The following NKAIN2 variants were observed in gnomAD, a reference collection of about 807,000 sequenced individuals.
The protein encoded by NKAIN2 is sodium/potassium transporting ATPase interacting 2.
A neutral mutation model predicts 32.6 loss-of-function variants in NKAIN2; 14 were observed. That is an observed-to-expected ratio of 0.43 (90% confidence interval 0.28 to 0.67). NKAIN2 has a LOEUF of 0.67. Among genes scored for constraint, NKAIN2 ranks in the 30% least tolerant of loss-of-function variants. The probability of loss-of-function intolerance (pLI) is 0.17; values close to 1 mark genes in which losing one functional copy is unlikely to be tolerated. For missense variants in NKAIN2, 198 were observed against 258.3 expected (o/e 0.77, Z 1.60); for synonymous variants, 80 against 87.2 (o/e 0.92, Z 0.46).
intron 3 of NKAIN2, among the ~76,000 whole-genome samples, chr6:124,403,837 A>G (rs1239796380): frequency 5.9e-5 from 9 of 152,196 alleles, no homozygotes; most frequent in Non-Finnish European, 1.2e-4. Context: ...AATTATTAAG[A>G]TGGGTAACCA....
intron 6 of NKAIN2, 151 bp from the exon 7 acceptor site, chr6:124,823,069 G>T (rs1011350033): frequency 2.9e-6 from 2 of 682,882 alleles, no homozygotes; most frequent in Admixed American, 2.3e-5. Flanking sequence ...AAAAAGAAAA[G>T]GAGGAAAATT....
chr6:124,142,527 G>A (rs1326650315), intron 1 of NKAIN2, among the ~76,000 whole-genome samples: 2 of 152,180 alleles, frequency 1.3e-5, no homozygotes, highest in East Asian at 3.8e-4. Context: ...TGAATGCAGT[G>A]TATTTATTGA....
At chr6:124,080,042 A>G (rs1222500804) in intron 1 of NKAIN2, among the ~76,000 whole-genome samples, 1 of 152,076 alleles carries the variant, frequency 6.6e-6, no homozygotes, top group South Asian at 2.1e-4. Flanking sequence ...GCATCAAAAG[A>G]TTAAGGATGT....
At chr6:124,300,757 C>G (rs1796260046) in intron 2 of NKAIN2, among the ~76,000 whole-genome samples, 1 of 152,158 alleles carries the variant, frequency 6.6e-6, no homozygotes, top group African/African-American at 2.4e-5. Context: ...TTAGCAAAGA[C>G]ACCACTGGCA....
chr6:124,604,800 A>G (rs1782437798), intron 3 of NKAIN2, among the ~76,000 whole-genome samples: 1 of 151,924 alleles, frequency 6.6e-6, no homozygotes, highest in South Asian at 2.1e-4. Flanking sequence ...TGTTGGTTAC[A>G]GATTTGTAAG....
At chr6:124,143,817 A>T (rs1787258833) in intron 1 of NKAIN2, among the ~76,000 whole-genome samples, 1 of 152,236 alleles carries the variant, frequency 6.6e-6, no homozygotes, top group African/African-American at 2.4e-5. Flanking sequence ...AATATGTTAG[A>T]CAACTAAGCA....
intron 4 of NKAIN2, among the ~76,000 whole-genome samples, chr6:124,660,362 C>G (rs925543077): frequency 9.9e-5 from 15 of 152,064 alleles, no homozygotes; most frequent in South Asian, 2.1e-4. Context: ...TTATTAAATG[C>G]CACATAAAAT....
At chr6:124,215,970 T>C (rs1036958018) in intron 1 of NKAIN2, among the ~76,000 whole-genome samples, 2 of 151,712 alleles carry the variant, frequency 1.3e-5, no homozygotes, top group Admixed American at 6.6e-5. Context: ...ATACAAAAAT[T>C]AGCCGGGCCT....
At chr6:124,136,953 G>T (rs1030619495) in intron 1 of NKAIN2, among the ~76,000 whole-genome samples, 1 of 152,062 alleles carries the variant, frequency 6.6e-6, no homozygotes, top group African/African-American at 2.4e-5. Context: ...ATTAGAATGT[G>T]ACAAGAATGG....
intron 1 of NKAIN2, among the ~76,000 whole-genome samples, chr6:124,187,453 A>T (rs1252540066): frequency 1.3e-5 from 2 of 152,146 alleles, no homozygotes; most frequent in Admixed American, 1.3e-4. Flanking sequence ...AGCCACCCAT[A>T]GTCCAATTGG....
chr6:124,482,505 T>C (rs1197227953), intron 3 of NKAIN2, among the ~76,000 whole-genome samples: 1 of 152,156 alleles, frequency 6.6e-6, no homozygotes, highest in Non-Finnish European at 1.5e-5. Context: ...TGTGTGTGTA[T>C]ACTTGGGAAT....
intron 1 of NKAIN2, among the ~76,000 whole-genome samples, chr6:123,851,481 C>A (rs1171067970): frequency 6.6e-6 from 1 of 151,438 alleles, no homozygotes; most frequent in East Asian, 2.0e-4. Flanking sequence ...GAGCTCCTAA[C>A]CTCAGGTGAT....
intron 2 of NKAIN2, among the ~76,000 whole-genome samples, chr6:124,343,948 A>G (rs9388320): frequency 0.85 from 123,629 of 144,904 alleles, 53,139 homozygotes; most frequent in African/African-American, 0.93. Context: ...TTTCTTCTAA[A>G]GTTTTTATGG....
intron 5 of NKAIN2, among the ~76,000 whole-genome samples, chr6:124,807,853 C>T (rs960748425): frequency 2.7e-5 from 4 of 150,898 alleles, no homozygotes; most frequent in Non-Finnish European, 5.9e-5. Context: ...ATACTACAAA[C>T]ACCTGTACAC....
In NKAIN2 at chr6:123,804,005, G is replaced by A. The variant is rs1433199478; in HGVS notation, c.-196G>A. On this transcript the variant is annotated 5_prime_UTR_variant, in exon 1 of 7. Transcript: ENST00000368417. ...GGTATGTGTGGCGGGCGCGGCTGGA[G>A]CTGCCGCCGCCGCCGCCGCCGCGCC... 2.2e-5 allele frequency: 13 copies of A among 599,616 alleles called. No individual in the cohort carries two copies. The highest frequency in any genetic ancestry group is 3.3e-5 in the Non-Finnish European group (11 of 336,452). The allele number at this position is 599,616 out of a possible 1,614,324, so 37.1% of individuals were successfully genotyped here.
At chr6:124,202,403 G>A (rs919923333) in intron 1 of NKAIN2, among the ~76,000 whole-genome samples, 2 of 151,906 alleles carry the variant, frequency 1.3e-5, no homozygotes, top group Non-Finnish European at 2.9e-5. Context: ...ATGCACTGGA[G>A]TTAGGTGAGC....
chr6:124,566,946 A>G (rs976137029), intron 3 of NKAIN2, among the ~76,000 whole-genome samples: 1 of 152,192 alleles, frequency 6.6e-6, no homozygotes, highest in Non-Finnish European at 1.5e-5. Context: ...ACACTCATCA[A>G]TGCAGACATA....
intron 1 of NKAIN2, among the ~76,000 whole-genome samples, chr6:124,145,060 A>G (rs1787332610): frequency 1.3e-5 from 2 of 152,232 alleles, no homozygotes. Flanking sequence ...GGAAATACAA[A>G]TTAATACTAT....
chr6:124,194,361 T>G (rs551018075), intron 1 of NKAIN2, among the ~76,000 whole-genome samples: 2 of 152,298 alleles, frequency 1.3e-5, no homozygotes, highest in African/African-American at 4.8e-5. Context: ...TTTCTTTTTA[T>G]CTTCCTTTCA....
Sources: gnomAD v4.1 joint callset for allele counts (sites outside exome capture counted in the v4.1 genomes callset) on GRCh38, gnomAD v4.1.1 for gene constraint, MANE v1.5 for transcripts, NCBI Gene and HGNC (gene_info 2026-07-23, HGNC 2026-07-21) for gene names.